Variants in MYO18B observed in about 807,000 individuals in gnomAD.
MYO18B encodes myosin XVIIIB.
A neutral mutation model predicts 273.0 loss-of-function variants in MYO18B; 204 were observed. The observed-to-expected ratio is 0.75, with a 90% CI of 0.67 to 0.84. MYO18B has a LOEUF of 0.84. MYO18B is among the 40% of genes least tolerant of loss of function. The pLI is 0.00. For synonymous variants in MYO18B, 1,330 were observed against 1,305.7 expected (o/e 1.02, Z -0.40); for missense variants, 3,212 against 3,287.6 (o/e 0.98, Z 0.56).
At chr22:26,044,858 T>C in the MYO18B span, among the ~76,000 whole-genome samples, 1 of 152,142 alleles carries the variant, frequency 6.6e-6, no homozygotes. Context: ...AAGAGGCCTC[T>C]AGGGAGAGGA....
intron 11 of MYO18B, among the ~76,000 whole-genome samples, chr22:25,793,317 C>T (rs2087760267): frequency 1.3e-5 from 2 of 152,124 alleles, no homozygotes; most frequent in South Asian, 2.1e-4. Context: ...TCACTGCAGC[C>T]GTGAACTCCT....
intron 12 of MYO18B, among the ~76,000 whole-genome samples, chr22:25,815,901 G>C (rs1020118706): frequency 6.6e-6 from 1 of 152,200 alleles, no homozygotes; most frequent in African/African-American, 2.4e-5. Flanking sequence ...TGTGTGCTGT[G>C]TTCTCAGTTG....
At chr22:25,843,929 C>T (rs1302882834) in intron 18 of MYO18B, 35 bp downstream of exon 18, 1 of 1,579,958 alleles carries the variant, frequency 6.3e-7, no homozygotes, top group Admixed American at 1.7e-5. Flanking sequence ...GGGGATGGAG[C>T]ATTGGAGGCA....
In MYO18B at chr22:25,874,331, G is replaced by A. The variant is rs1395469509; in HGVS notation, c.3997G>A (p.Glu1333Lys). 2.5e-6 allele frequency: 4 copies of A among 1,613,860 alleles called. No individual in the cohort carries two copies. The highest frequency in any genetic ancestry group is 1.7e-5 in the Admixed American group (1 of 59,998). Reference protein sequence around the residue: ...GVISRLEKQREKLVSQSIVLF... With the variant: ...GVISRLEKQRKKLVSQSIVLF... ...GATCTCCAGGCTTGAGAAGCAGCGA[G>A]AGAAGCTGGTATCTCAGAGCATCGT... The change falls in exon 23 of 44, where the codon GAG becomes AAG. Residue 1333 changes from glutamate to lysine, a missense_variant. Physicochemically the swap from Glu to Lys is moderately conservative, Grantham distance 56. Transcript: ENST00000335473.
rs9620570 is a variant in MYO18B at position 25,915,470 on chromosome 22, A to G, written c.5364+4420A>G. Reference sequence around the variant, plus strand: ...TATTTGTGTACCTAAACATATCTCAACATAGAAAAGGTACAGCAAAAGTAT... The same window carrying G: ...TATTTGTGTACCTAAACATATCTCAGCATAGAAAAGGTACAGCAAAAGTAT... On this transcript the variant is annotated intron_variant, in intron 33 of 43. Transcript: ENST00000335473. Among the ~76,000 whole-genome samples, 510 of 152,330 alleles carry G rather than the reference A, an allele frequency of 3.3e-3. 2 individuals are homozygous for G. The highest frequency in any genetic ancestry group is 0.012 in the African/African-American group (479 of 41,580).
In MYO18B at chr22:25,859,656, G is replaced by A. The variant is rs1397074845; in HGVS notation, c.3885+8077G>A. On this transcript the variant is annotated intron_variant, in intron 21 of 43. Transcript: ENST00000335473. The stretch of plus-strand genomic sequence containing the variant: ...CTTTTTTTTTTGCATGTGCCTAGTA[G>A]CCATTTTATCTCTTTTTTTGTGAAA... 4.0e-5 allele frequency among the ~76,000 whole-genome samples: 6 copies of A among 151,874 alleles called. 1 individual carries two copies. The East Asian group carries it at 1.2e-3, about 29-fold the overall frequency.
Position 25,910,983 on chromosome 22 carries a change from A to G in MYO18B, c.5297A>G (p.Glu1766Gly), listed in dbSNP as rs1001693022. The G allele has an allele frequency of 6.2e-7, 1 of 1,603,924 alleles. No individual in the cohort carries two copies. The highest frequency in any genetic ancestry group is 8.5e-7 in the Non-Finnish European group (1 of 1,175,374). The change falls in exon 33 of 44, where the codon GAA becomes GGA. Residue 1766 changes from glutamate (E) to glycine (G), a missense_variant. Physicochemically the swap from Glu to Gly is moderately conservative, Grantham distance 98 (BLOSUM62 -2). Transcript: ENST00000335473. ...GAAATGCAGCTGGAGCAAGAGTATGAAGAGAAGCAGATGGTCCTCCATGAG... is the reference window on the plus strand; with the variant it reads ...GAAATGCAGCTGGAGCAAGAGTATGGAGAGAAGCAGATGGTCCTCCATGAG... ...QLEMQLEQEY[E>G]EKQMVLHEKQ...
Position 25,889,893 on chromosome 22 carries a change from C to G in MYO18B, c.4315-863C>G, listed in dbSNP as rs560654457. ...TTTCTGAGGCAGGACCCATCCATTT[C>G]TTTCTTTCTTAAACCACGCTCCTAA... On this transcript the variant is annotated intron_variant, in intron 25 of 43. Transcript: ENST00000335473. Among the ~76,000 whole-genome samples the G allele has an allele frequency of 3.9e-5, 6 of 152,300 alleles. No homozygotes were observed. In the South Asian group the frequency reaches 1.2e-3, roughly 32 times the overall value.
chr22:25,999,681 C>T (rs17398542), intron 40 of MYO18B, among the ~76,000 whole-genome samples: 5,408 of 144,466 alleles, frequency 0.037, 113 homozygotes, highest in African/African-American at 0.061. Context: ...ATCTTCTTCT[C>T]CTCTCACTCT....
chr22:25,844,549 A>G (rs73879569), intron 18 of MYO18B, among the ~76,000 whole-genome samples: 1 of 152,198 alleles, frequency 6.6e-6, no homozygotes, highest in African/African-American at 2.4e-5. Flanking sequence ...TAAACGCTTT[A>G]TGAGTATCTT....
intron 1 of MYO18B, among the ~76,000 whole-genome samples, chr22:25,746,832 C>T (rs2085793264): frequency 6.6e-6 from 1 of 152,088 alleles, no homozygotes; most frequent in African/African-American, 2.4e-5. Flanking sequence ...AGAAAATTAG[C>T]CCTTTGAGGC....
chr22:26,046,684 C>T, the MYO18B span, among the ~76,000 whole-genome samples: 2 of 152,178 alleles, frequency 1.3e-5, no homozygotes, highest in Non-Finnish European at 2.9e-5. Flanking sequence ...ATAGCCAAAG[C>T]GATTTTGTTA....
intron 21 of MYO18B, among the ~76,000 whole-genome samples, chr22:25,855,193 A>G (rs963695555): frequency 6.6e-6 from 1 of 151,786 alleles, no homozygotes; most frequent in Non-Finnish European, 1.5e-5. Flanking sequence ...AAGTGAGAAC[A>G]TGTGGTATTT....
chr22:26,023,476 C>CCCTCCT (rs138330824), intron 42 of MYO18B, among the ~76,000 whole-genome samples: 10 of 148,968 alleles, frequency 6.7e-5, no homozygotes, highest in South Asian at 2.1e-4. Context: ...TCTTCCTCCT[C>CCCTCCT]CCTCCTCCTC....
chr22:25,921,842 G>A (rs1011436769), intron 34 of MYO18B, among the ~76,000 whole-genome samples: 6 of 149,012 alleles, frequency 4.0e-5, no homozygotes, highest in African/African-American at 1.5e-4. Context: ...GTGTGTGTGT[G>A]TGTGTGTGTG....
chr22:26,057,826 C>A, the MYO18B span, among the ~76,000 whole-genome samples: 1 of 152,244 alleles, frequency 6.6e-6, no homozygotes, highest in Admixed American at 6.5e-5. Flanking sequence ...TTTTAAAATT[C>A]TGGGTCCTGA....
At chr22:25,933,844 C>G (rs554826663) in intron 34 of MYO18B, among the ~76,000 whole-genome samples, 3 of 152,172 alleles carry the variant, frequency 2.0e-5, no homozygotes, top group Non-Finnish European at 4.4e-5. Context: ...CTGTAGGGTG[C>G]ATAACTAGAA....
At chr22:25,889,930 A>G (rs1555927252) in intron 25 of MYO18B, among the ~76,000 whole-genome samples, 2 of 152,212 alleles carry the variant, frequency 1.3e-5, no homozygotes, top group Non-Finnish European at 2.9e-5. Flanking sequence ...ATACAACCGT[A>G]TGATTTCCAA....
At chr22:25,765,535 G>C (rs935070151) in intron 3 of MYO18B, among the ~76,000 whole-genome samples, 3 of 152,208 alleles carry the variant, frequency 2.0e-5, no homozygotes, top group African/African-American at 7.2e-5. Context: ...TGAATGTCAA[G>C]GAGACCTAGA....
Sources: allele counts gnomAD v4.1 joint callset (sites outside exome capture counted in the v4.1 genomes callset), GRCh38; gene constraint gnomAD v4.1.1; transcripts MANE v1.5; gene names NCBI Gene and HGNC (gene_info 2026-07-23, HGNC 2026-07-21).